PEAK1: variants seen among roughly 807,000 people sequenced by gnomAD.
The protein encoded by PEAK1 is pseudopodium enriched atypical kinase 1.
In PEAK1, 54 loss-of-function variants were observed where a neutral mutation model predicts 124.7. The ratio of observed to expected loss-of-function variants is 0.43; its 90% CI spans 0.35 to 0.54. The LOEUF (loss-of-function observed/expected upper bound fraction) is 0.54. PEAK1 is among the 20% of genes least tolerant of loss of function. The pLI, the probability that PEAK1 is intolerant of heterozygous loss-of-function variation, is 0.01. For missense variants in PEAK1, 2,046 were observed against 2,134.5 expected (o/e 0.96, Z 0.82); for synonymous variants, 719 against 760.0 (o/e 0.95, Z 0.89).
chr15:77,291,928 G>A (rs2063233484), intron 2 of PEAK1, among the ~76,000 whole-genome samples: 1 of 147,806 alleles, frequency 6.8e-6, no homozygotes, highest in Admixed American at 6.8e-5. Flanking sequence ...AGTGAGCCGA[G>A]ATTGTGCCAC....
chr15:77,417,996 T>C (rs2073026600), intron 1 of PEAK1: 2 of 970,500 alleles, frequency 2.1e-6, no homozygotes, highest in Non-Finnish European at 2.4e-6. Flanking sequence ...ACACGTATAA[T>C]GCATTCCAGG....
At chr15:77,184,117 C>A (rs12912098) in intron 6 of PEAK1, among the ~76,000 whole-genome samples, 11,262 of 151,988 alleles carry the variant, frequency 0.074, 548 homozygotes, top group Non-Finnish European at 0.1. Flanking sequence ...AGGCATGAGA[C>A]ACTGTGCCCA....
At chr15:77,406,440 T>C (rs1385521894) in intron 1 of PEAK1, among the ~76,000 whole-genome samples, 1 of 152,204 alleles carries the variant, frequency 6.6e-6, no homozygotes. Flanking sequence ...TGTTTCAGGA[T>C]ACAAAATCAA....
chr15:77,276,637 T>C (rs1303795229), intron 5 of PEAK1, among the ~76,000 whole-genome samples: 1 of 152,066 alleles, frequency 6.6e-6, no homozygotes, highest in Non-Finnish European at 1.5e-5. Flanking sequence ...CCAGGAATCG[T>C]GGATAATGAG....
In PEAK1 at chr15:77,180,377, C is replaced by T; in HGVS notation, c.1550G>A (p.Gly517Glu). 6.2e-7 allele frequency: 1 copy of T among 1,614,038 alleles called. No homozygotes were observed. Among genetic ancestry groups the T allele is most frequent in the East Asian group, 2.2e-5 (1 of 44,882 alleles). ...TTTTTGGAAATGGGCACTTATTTGT[C>T]CTGGTGTCAATGAAGATGATGTAAC... ...SPVTSSSLTP[G>E]QISAHFQKSS... Residue 517 changes from glycine (G) to glutamate (E), a missense_variant, in exon 7 of 10, where the codon GGA (glycine) becomes GAA (glutamate). Gly to Glu is a moderately conservative substitution (Grantham distance 98). Coordinates refer to ENST00000682557, the MANE Select transcript of PEAK1 (RefSeq NM_001385026.1).
intron 2 of PEAK1, chr15:77,350,344 T>C (rs1426935234): frequency 1.0e-6 from 1 of 985,346 alleles, no homozygotes; most frequent in East Asian, 1.1e-4. Flanking sequence ...CCAGAGAGTA[T>C]CATCAAATTA....
intron 6 of PEAK1, among the ~76,000 whole-genome samples, chr15:77,190,726 G>A (rs1460804673): frequency 1.3e-5 from 2 of 152,156 alleles, no homozygotes; most frequent in African/African-American, 4.8e-5. Flanking sequence ...TGACATCATG[G>A]TGCAACCACT....
downstream of PEAK1, chr15:77,105,875 A>T (rs1210570913): frequency 6.6e-6 from 1 of 152,290 alleles, no homozygotes; most frequent in African/African-American, 2.4e-5. Flanking sequence ...CGGACAACCC[A>T]GAGTCAGACA....
intron 6 of PEAK1, among the ~76,000 whole-genome samples, chr15:77,190,617 G>A (rs2057785670): frequency 6.6e-6 from 1 of 152,172 alleles, no homozygotes; most frequent in Non-Finnish European, 1.5e-5. Flanking sequence ...TCTAATATGA[G>A]CTGACACCAA....
intron 1 of PEAK1, among the ~76,000 whole-genome samples, chr15:77,405,300 G>A (rs900506730): frequency 6.6e-5 from 10 of 152,062 alleles, no homozygotes; most frequent in Non-Finnish European, 1.0e-4. Flanking sequence ...CACCACGCCC[G>A]GCTGAGGTCA....
In PEAK1 at chr15:77,181,015, G is replaced by A. The variant is rs1373560240; in HGVS notation, c.912C>T (p.Ile304=). ...IPLRNKSLQR[I]CAVDYDDSYD... is the part of the protein sequence containing the mutation. The stretch of plus-strand genomic sequence containing the variant: ...AGCTGTCATCATAGTCCACAGCACA[G>A]ATTCTCTGCAGAGACTTGTTTCGCA... The change falls in exon 7 of 10, where the codon ATC becomes ATT. Residue 304 remains isoleucine (I), a synonymous_variant. Coordinates refer to ENST00000682557, the MANE Select transcript of PEAK1 (RefSeq NM_001385026.1). The A allele has an allele frequency of 1.5e-5, 24 of 1,614,074 alleles. No individual in the cohort carries two copies. Among genetic ancestry groups the A allele is most frequent in the Non-Finnish European group, 1.9e-5 (23 of 1,180,024 alleles).
chr15:77,345,790 T>C (rs747503062), intron 2 of PEAK1: 11 of 508,988 alleles, frequency 2.2e-5, no homozygotes, highest in Non-Finnish European at 2.8e-5. Context: ...GTGATGGATA[T>C]CCCAATTACC....
chr15:77,219,625 T>C (rs2059298457), intron 6 of PEAK1, among the ~76,000 whole-genome samples: 1 of 152,108 alleles, frequency 6.6e-6, no homozygotes, highest in African/African-American at 2.4e-5. Flanking sequence ...AGCCTAATTA[T>C]GGGGTTGTCC....
intron 6 of PEAK1, among the ~76,000 whole-genome samples, chr15:77,228,786 G>A (rs2059786446): frequency 6.6e-6 from 1 of 151,968 alleles, no homozygotes; most frequent in Admixed American, 6.6e-5. Flanking sequence ...AACAGTAAAA[G>A]GTATTTTCCT....
rs539195854 is a variant in PEAK1 at position 77,252,944 on chromosome 15, C to A, written c.-274-418G>T. On this transcript the variant is annotated intron_variant, in intron 5 of 9. Transcript: ENST00000682557. ...TCTAAAATATTGAAAGCAGGTATCT[C>A]CAAATGTAAATATTTCACTAGCCAC... Among the ~76,000 whole-genome samples, 3 of 152,242 alleles carry A rather than the reference C, an allele frequency of 2.0e-5. No individual in the cohort carries two copies. In the East Asian group the frequency reaches 5.8e-4, roughly 29 times the overall value.
rs2059755919 is a variant in PEAK1, at chr15:77,228,087, TTAC to T, written c.-115+24277_-115+24279del. Reference sequence around the variant, plus strand: ...GGACACTTACAACATATAAGGTATTTTACTACTTTTTTATTATTTCTATTTTTT... The same window carrying T: ...GGACACTTACAACATATAAGGTATTTTACTTTTTTATTATTTCTATTTTTT... On this transcript the variant is annotated intron_variant, in intron 6 of 9. Transcript: ENST00000682557. Among the ~76,000 whole-genome samples, 2 of 152,010 alleles carry T rather than the reference TTAC, an allele frequency of 1.3e-5. 1 individual carries two copies. Among genetic ancestry groups the T allele is most frequent in the South Asian group, 4.1e-4 (2 of 4,834 alleles).
chr15:77,347,040 G>T, intron 2 of PEAK1: 1 of 274,228 alleles, frequency 3.6e-6, no homozygotes, highest in Non-Finnish European at 5.6e-6. Flanking sequence ...ATGACAAGAA[G>T]AATCCAGTAA....
At chr15:77,178,707 A>T in intron 7 of PEAK1, 83 bp downstream of exon 7, 1 of 1,333,108 alleles carries the variant, frequency 7.5e-7, no homozygotes, top group Non-Finnish European at 1.0e-6. Flanking sequence ...AATGGTTCTT[A>T]TGCAATCTTA....
chr15:77,191,863 G>A (rs1335109402), intron 6 of PEAK1, among the ~76,000 whole-genome samples: 5 of 152,080 alleles, frequency 3.3e-5, no homozygotes, highest in African/African-American at 9.7e-5. Flanking sequence ...TGATGTGAGA[G>A]GCTAAATTGA....
Sources: gnomAD v4.1 joint callset for allele counts (sites outside exome capture counted in the v4.1 genomes callset) on GRCh38, gnomAD v4.1.1 for gene constraint, MANE v1.5 for transcripts, NCBI Gene and HGNC (gene_info 2026-07-23, HGNC 2026-07-21) for gene names.